MINAR1: variants seen among roughly 807,000 people sequenced by gnomAD.
The protein encoded by MINAR1 is major intrinsically disordered Notch2-binding receptor 1.
Under a neutral mutation model 65.1 loss-of-function variants are expected in MINAR1, and 40 were observed. The ratio of observed to expected loss-of-function variants is 0.61; its 90% CI spans 0.48 to 0.80. MINAR1 has a LOEUF of 0.80. Ranked by LOEUF, MINAR1 falls within the 30% of genes least tolerant of loss-of-function variation. The pLI is 0.00. For missense variants in MINAR1, 1,128 were observed against 1,148.0 expected (o/e 0.98, Z 0.25); for synonymous variants, 482 against 449.1 (o/e 1.07, Z -0.93).
chr15:79,429,534 T>G (rs1376710371), upstream of MINAR1, among the ~76,000 whole-genome samples: 1 of 152,108 alleles, frequency 6.6e-6, no homozygotes. Flanking sequence ...CAGAGGAAAA[T>G]GTGGAGGCTG....
chr15:79,458,693 T>C (rs1326910101), intron 2 of MINAR1, among the ~76,000 whole-genome samples: 1 of 152,038 alleles, frequency 6.6e-6, no homozygotes, highest in African/African-American at 2.4e-5. Context: ...GAACGTAGGG[T>C]TGGGATTCAT....
At chr15:79,453,274 C>A (rs1433790280) in intron 1 of MINAR1, among the ~76,000 whole-genome samples, 1 of 152,124 alleles carries the variant, frequency 6.6e-6, no homozygotes, top group Non-Finnish European at 1.5e-5. Flanking sequence ...GCGGTGGATG[C>A]TTGTCCTCCT....
intron 1 of MINAR1, among the ~76,000 whole-genome samples, chr15:79,439,332 GGT>G (rs1439305289): frequency 1.5e-5 from 1 of 64,784 alleles, no homozygotes; most frequent in Non-Finnish European, 3.3e-5. Context: ...ATGTGGGTGG[GGT>G]AGGCAGTGTG....
chr15:79,423,712 T>C, the MINAR1 span: 1 of 152,238 alleles, frequency 6.6e-6, no homozygotes, highest in African/African-American at 2.4e-5. Flanking sequence ...CTGCCTGGGC[T>C]GAAATCCCTG....
chr15:79,419,025 AC>A, the MINAR1 span: 1 of 152,232 alleles, frequency 6.6e-6, no homozygotes, highest in Non-Finnish European at 1.5e-5. Context: ...ATTCATCCAA[AC>A]AAAGGAAGAG....
At chr15:79,421,258 T>C in the MINAR1 span, 1 of 152,216 alleles carries the variant, frequency 6.6e-6, no homozygotes, top group Non-Finnish European at 1.5e-5. Flanking sequence ...TACCCTGATT[T>C]GTGAATTTCT....
At chr15:79,422,692 G>A in the MINAR1 span, 2 of 152,014 alleles carry the variant, frequency 1.3e-5, no homozygotes, top group African/African-American at 4.8e-5. Flanking sequence ...CCACAAAATT[G>A]TGCCAAGTAG....
chr15:79,452,220 AGT>A (rs750724564), intron 1 of MINAR1, among the ~76,000 whole-genome samples: 47 of 150,282 alleles, frequency 3.1e-4, no homozygotes, highest in Non-Finnish European at 3.6e-4. Flanking sequence ...TGTGCTTGAG[AGT>A]GTGTATGAAT....
chr15:79,451,687 C>T (rs1023020346), intron 1 of MINAR1, among the ~76,000 whole-genome samples: 12 of 152,192 alleles, frequency 7.9e-5, no homozygotes, highest in African/African-American at 2.4e-4. Context: ...TGTTCCTCAG[C>T]AAGGAGCTCT....
chr15:79,427,123 G>A, the MINAR1 span: 1 of 152,164 alleles, frequency 6.6e-6, no homozygotes, highest in South Asian at 2.1e-4. Flanking sequence ...GCAGGGACAT[G>A]GATGGAGCTG....
At chr15:79,428,742 A>G (rs1365056310), upstream of MINAR1, among the ~76,000 whole-genome samples, 1 of 152,168 alleles carries the variant, frequency 6.6e-6, no homozygotes. Flanking sequence ...GCTGGAGACA[A>G]AATCTTTATA....
chr15:79,447,688 G>A (rs1025809529), intron 1 of MINAR1, among the ~76,000 whole-genome samples: 5 of 152,080 alleles, frequency 3.3e-5, no homozygotes, highest in African/African-American at 4.8e-5. Flanking sequence ...GCATGGAACT[G>A]ATTTTTTACA....
intron 1 of MINAR1, among the ~76,000 whole-genome samples, chr15:79,448,710 A>G (rs76943356): frequency 0.016 from 2,411 of 152,292 alleles, 58 homozygotes; most frequent in East Asian, 0.11. Context: ...ATACTTTATA[A>G]CTGAGTTTTG....
At chr15:79,465,602 C>A (rs1895811385) in intron 3 of MINAR1, among the ~76,000 whole-genome samples, 1 of 152,072 alleles carries the variant, frequency 6.6e-6, no homozygotes, top group African/African-American at 2.4e-5. Context: ...TGAAAGAAAG[C>A]CAATTTCCTT....
chr15:79,442,729 C>T lies in MINAR1; in HGVS notation c.-51+10189C>T, dbSNP rs372133514. ...TTTTAGCTCTCTTTTTGGCAGGTCT[C>T]GGTAAAAGCAGATAAATTGGAACTT... is the stretch of plus-strand genomic sequence containing the variant. On this transcript the variant is annotated intron_variant, in intron 1 of 3. Transcript: ENST00000305428. Among the ~76,000 whole-genome samples, 7 of 150,960 alleles carry T rather than the reference C, an allele frequency of 4.6e-5. No homozygotes were observed. In the East Asian group the frequency reaches 7.8e-4, roughly 17 times the overall value.
intron 1 of MINAR1, among the ~76,000 whole-genome samples, chr15:79,441,185 A>G (rs926649300): frequency 6.6e-6 from 1 of 152,198 alleles, no homozygotes; most frequent in African/African-American, 2.4e-5. Context: ...TTATTATAAA[A>G]TCACATATTT....
At chr15:79,460,720 G>A (rs905412144) in intron 2 of MINAR1, among the ~76,000 whole-genome samples, 4 of 152,090 alleles carry the variant, frequency 2.6e-5, no homozygotes, top group African/African-American at 7.2e-5. Context: ...ACTCTCCTTT[G>A]CCTCTGCAAA....
chr15:79,457,839 A>C lies in MINAR1; in HGVS notation c.1692A>C (p.Leu564Phe). The C allele has an allele frequency of 6.2e-7, 1 of 1,614,122 alleles. No individual in the cohort carries two copies. The highest frequency in any genetic ancestry group is 2.2e-5 in the East Asian group (1 of 44,878). ...SDCDSSPEHN[L>F]TKIANGVPNS... ...GCGACAGTTCCCCTGAGCACAACTT[A>C]ACCAAAATTGCCAATGGGGTCCCCA... The change falls in exon 2 of 4, where the codon TTA becomes TTC. Residue 564 changes from leucine to phenylalanine, a missense_variant. Transcript: ENST00000305428.
chr15:79,439,771 A>G (rs1894818380), intron 1 of MINAR1, among the ~76,000 whole-genome samples: 1 of 151,940 alleles, frequency 6.6e-6, no homozygotes, highest in South Asian at 2.1e-4. Context: ...GGTGTTCCCT[A>G]GAGCTATTGG....
Sources: allele counts gnomAD v4.1 joint callset (sites outside exome capture counted in the v4.1 genomes callset), GRCh38; gene constraint gnomAD v4.1.1; transcripts MANE v1.5; gene names NCBI Gene and HGNC (gene_info 2026-07-23, HGNC 2026-07-21).